PCDHGA4: variants seen among roughly 807,000 people sequenced by gnomAD.
PCDHGA4 encodes protocadherin gamma subfamily A, 4.
Under a neutral mutation model 54.6 loss-of-function variants are expected in PCDHGA4, and 38 were observed. That is an observed-to-expected ratio of 0.70 (90% CI 0.54 to 0.91). The LOEUF (loss-of-function observed/expected upper bound fraction) is 0.91. Among genes scored for constraint, PCDHGA4 ranks in the 40% least tolerant of loss-of-function variants. PCDHGA4 has a pLI of 0.00. For missense variants in PCDHGA4, 1,298 were observed against 1,220.9 expected (o/e 1.06, Z -0.94); for synonymous variants, 511 against 512.9 (o/e 1.00, Z 0.05).
intron 1 of PCDHGA4, among the ~76,000 whole-genome samples, chr5:141,492,882 C>G (rs2099744816): frequency 6.6e-6 from 1 of 152,218 alleles, no homozygotes; most frequent in Admixed American, 6.5e-5. Context: ...CCCAGAGATA[C>G]AGGCTTTTGG....
Position 141,485,519 on chromosome 5 carries a change from A to T in PCDHGA4, c.2515-9288A>T. ...GTTTGTCACCGAAGGTCCTTTGGAA[A>T]TGTACCGAGCAGAGGTAGAGATCGT... On this transcript the variant is annotated intron_variant, in intron 1 of 3. Transcript: ENST00000571252. The surrounding 1 kb of genome is among the most constrained non-coding windows in gnomAD (Gnocchi z 5.7). The T allele has an allele frequency of 6.2e-7, 1 of 1,614,150 alleles. No individual in the cohort carries two copies. The highest frequency in any genetic ancestry group is 8.5e-7 in the Non-Finnish European group (1 of 1,180,018).
chr5:141,454,356 T>G (rs1461475653), intron 1 of PCDHGA4, among the ~76,000 whole-genome samples: 1 of 152,224 alleles, frequency 6.6e-6, no homozygotes, highest in East Asian at 1.9e-4. Context: ...TGATCCAAAC[T>G]TAGAAAGGAG....
chr5:141,421,901 G>A lies in PCDHGA4; in HGVS notation c.2514+64280G>A. ...GATGGAGGCGATCCCATCCGAAAGG[G>A]CGCAGTTCCCATTCGTGTGGTGGTC... is the stretch of plus-strand genomic sequence containing the variant. On this transcript the variant is annotated intron_variant, in intron 1 of 3. Coordinates refer to ENST00000571252, the MANE Select transcript of PCDHGA4 (RefSeq NM_018917.4). 1.9e-6 allele frequency: 3 copies of A among 1,613,724 alleles called. No individual in the cohort carries two copies. Among genetic ancestry groups the A allele is most frequent in the East Asian group, 2.2e-5 (1 of 44,880 alleles).
chr5:141,435,973 G>T (rs1420195337), intron 1 of PCDHGA4, among the ~76,000 whole-genome samples: 1 of 152,028 alleles, frequency 6.6e-6, no homozygotes, highest in East Asian at 1.9e-4. Context: ...AGAGTGTGTG[G>T]TTCTACTTGT....
chr5:141,392,759 T>C, intron 1 of PCDHGA4: 1 of 1,473,194 alleles, frequency 6.8e-7, no homozygotes, highest in Non-Finnish European at 9.0e-7. Flanking sequence ...AGAAACTAAA[T>C]AAGACCCATT....
At chr5:141,428,175 G>A (rs766332920) in intron 1 of PCDHGA4, 20 of 1,508,456 alleles carry the variant, frequency 1.3e-5, no homozygotes, top group Non-Finnish European at 1.8e-5. Flanking sequence ...GTGCGTGACG[G>A]AGGACAGCCG....
intron 1 of PCDHGA4, chr5:141,428,062 A>G: frequency 6.2e-7 from 1 of 1,609,084 alleles, no homozygotes; most frequent in African/African-American, 1.3e-5. Flanking sequence ...GTGGCGGTGG[A>G]CGCAGATTCG....
intron 1 of PCDHGA4, chr5:141,399,691 C>A: frequency 6.2e-7 from 1 of 1,613,480 alleles, no homozygotes; most frequent in Non-Finnish European, 8.5e-7. Context: ...CGAGCAGCTG[C>A]GCACCTTCGA....
chr5:141,357,846 C>CGA, intron 1 of PCDHGA4: 2 of 620,680 alleles, frequency 3.2e-6, no homozygotes, highest in Non-Finnish European at 5.4e-6. Flanking sequence ...GTTGTAGTTT[C>CGA]AGCCAGAATT....
chr5:141,487,109 G>A lies in PCDHGA4; in HGVS notation c.2515-7698G>A. 2 of 1,614,122 alleles carry A rather than the reference G, an allele frequency of 1.2e-6. No homozygotes were observed. Among genetic ancestry groups the A allele is most frequent in the Non-Finnish European group, 1.7e-6 (2 of 1,180,004 alleles). ...CCTCCCACCACAGAAGCTGGTCATTGTGGTAAAGGATAGTGGTAGTCCACC... is the reference window on the plus strand; with the variant it reads ...CCTCCCACCACAGAAGCTGGTCATTATGGTAAAGGATAGTGGTAGTCCACC... On this transcript the variant is annotated intron_variant, in intron 1 of 3. Transcript: ENST00000571252. This position sits in a 1 kb window ranked among gnomAD's most constrained non-coding sequence, Gnocchi z 5.0.
At chr5:141,390,352 A>G (rs1340044054) in intron 1 of PCDHGA4, 2 of 1,557,524 alleles carry the variant, frequency 1.3e-6, no homozygotes, top group African/African-American at 2.7e-5. Context: ...GAAAATATAC[A>G]TATTTGCAGG....
At chr5:141,410,177 A>G in intron 1 of PCDHGA4, 1 of 1,613,626 alleles carries the variant, frequency 6.2e-7, no homozygotes, top group Non-Finnish European at 8.5e-7. Context: ...TGCCACCGCC[A>G]CGCTTCATCT....
intron 1 of PCDHGA4, among the ~76,000 whole-genome samples, chr5:141,452,054 C>A (rs578157525): frequency 6.4e-4 from 97 of 152,196 alleles, no homozygotes; most frequent in African/African-American, 2.2e-3. Flanking sequence ...TTTGTAATAA[C>A]TTATTCTACT....
chr5:141,375,987 G>A, intron 1 of PCDHGA4: 1 of 1,613,458 alleles, frequency 6.2e-7, no homozygotes, highest in Non-Finnish European at 8.5e-7. Context: ...CTGCTGGACA[G>A]AGACGCGCTC....
intron 1 of PCDHGA4, chr5:141,390,211 A>C (rs2092083901): frequency 6.2e-7 from 1 of 1,613,936 alleles, no homozygotes. Context: ...TCAGGACAAG[A>C]CATACTTTGC....
intron 1 of PCDHGA4, chr5:141,427,791 G>T (rs763294539): frequency 1.3e-6 from 2 of 1,488,082 alleles, no homozygotes; most frequent in South Asian, 1.1e-5. Context: ...GTCGTCCTAC[G>T]TGTCCGTGAG....
At position 141,371,633 on chromosome 5, in the gene PCDHGA4, G is replaced by A. The variant is rs771305412; in HGVS notation, c.2514+14012G>A. 7 of 1,614,040 alleles carry A rather than the reference G, an allele frequency of 4.3e-6. No homozygotes were observed. In the Admixed American group the frequency reaches 1.2e-4, roughly 27 times the overall value. ...TGACAGATGGAGCCCTGGACCGGGAGCAGATCCCAGAATACAATGTGACGA... is the reference window on the plus strand; with the variant it reads ...TGACAGATGGAGCCCTGGACCGGGAACAGATCCCAGAATACAATGTGACGA... On this transcript the variant is annotated intron_variant, in intron 1 of 3. Coordinates refer to ENST00000571252, the MANE Select transcript of PCDHGA4 (RefSeq NM_018917.4).
intron 1 of PCDHGA4, chr5:141,399,349 C>T (rs1467940246): frequency 6.2e-7 from 1 of 1,613,932 alleles, no homozygotes; most frequent in East Asian, 2.2e-5. Context: ...AACCCTAGAC[C>T]GAGAGCAAAC....
At chr5:141,394,915 C>T in intron 1 of PCDHGA4, 1 of 1,613,774 alleles carries the variant, frequency 6.2e-7, no homozygotes, top group Non-Finnish European at 8.5e-7. Flanking sequence ...GCTGCCATCT[C>T]CTGTGTCTTC....
Sources: gnomAD v4.1 joint callset for allele counts (sites outside exome capture counted in the v4.1 genomes callset) on GRCh38, gnomAD v4.1.1 for gene constraint, Gnocchi (gnomAD v3.1) non-coding constraint, MANE v1.5 for transcripts, NCBI Gene and HGNC (gene_info 2026-07-23, HGNC 2026-07-21) for gene names.